PCBP3: variants seen among roughly 807,000 people sequenced by gnomAD.
The protein encoded by PCBP3 is poly(rC) binding protein 3, also known as poly(rC)-binding protein 3.
PCBP3 carries 25 observed loss-of-function variants against 52.7 expected under a neutral mutation model. The observed-to-expected ratio is 0.47, with a 90% CI of 0.35 to 0.66. The LOEUF (loss-of-function observed/expected upper bound fraction) is 0.66, where lower values mean the gene tolerates loss of function less well. Among genes scored for constraint, PCBP3 ranks in the 30% least tolerant of loss-of-function variants. The probability of loss-of-function intolerance (pLI) is 0.01; values close to 1 mark genes in which losing one functional copy is unlikely to be tolerated. For synonymous variants in PCBP3, 162 were observed against 183.0 expected (o/e 0.89, Z 0.93); for missense variants, 391 against 490.3 (o/e 0.80, Z 1.91).
chr21:45,891,238 G>A (rs1285316274), intron 5 of PCBP3, among the ~76,000 whole-genome samples: 9 of 152,344 alleles, frequency 5.9e-5, no homozygotes, highest in Non-Finnish European at 7.3e-5. Flanking sequence ...GGATCCAACC[G>A]TTGTGCTCCT....
At chr21:45,649,624 T>C (rs1301545497) in intron 1 of PCBP3, among the ~76,000 whole-genome samples, 2 of 152,218 alleles carry the variant, frequency 1.3e-5, no homozygotes, top group Non-Finnish European at 2.9e-5. Flanking sequence ...TACCTAATGA[T>C]AATTTAATTT....
intron 9 of PCBP3, among the ~76,000 whole-genome samples, chr21:45,906,253 G>T (rs1161971243): frequency 2.6e-5 from 4 of 152,144 alleles, no homozygotes; most frequent in African/African-American, 9.7e-5. Flanking sequence ...GTTGTGTTTC[G>T]GTTCAGTACC....
chr21:45,856,927 T>G lies in PCBP3; in HGVS notation c.10+6832T>G, dbSNP rs142421253. ...CTATCAGTAAATTTAAACATTTTCT[T>G]GCTGACGGTTGAGTTTGTCTAAAGA... is the stretch of plus-strand genomic sequence containing the variant. On this transcript the variant is annotated intron_variant, in intron 5 of 17. Transcript: ENST00000681687. 2.0e-3 allele frequency among the ~76,000 whole-genome samples: 298 copies of G among 152,330 alleles called. 2 individuals carry two copies. The highest frequency in any genetic ancestry group is 6.9e-3 in the African/African-American group (285 of 41,568).
intron 5 of PCBP3, among the ~76,000 whole-genome samples, chr21:45,861,554 A>G (rs1012750989): frequency 2.0e-5 from 3 of 152,000 alleles, no homozygotes; most frequent in Non-Finnish European, 2.9e-5. Flanking sequence ...CTCAAGATTA[A>G]ATTAGTCAGC....
rs541206544 is a variant in PCBP3 at position 45,794,667 on chromosome 21, C to T, written c.-126+39215C>T. Among the ~76,000 whole-genome samples the T allele has an allele frequency of 1.3e-3, 196 of 152,322 alleles. 1 individual carries two copies. The highest frequency in any genetic ancestry group is 2.4e-3 in the Non-Finnish European group (163 of 68,034). On this transcript the variant is annotated intron_variant, in intron 4 of 17. Transcript: ENST00000681687. Reference sequence around the variant, plus strand: ...CCCAGAGGCCGGGTGCAATGGCTCACGCCTGTAATCCCAGCACTTTGGGAG... The same window carrying T: ...CCCAGAGGCCGGGTGCAATGGCTCATGCCTGTAATCCCAGCACTTTGGGAG...
At chr21:45,710,452 A>G (rs1245408188) in intron 2 of PCBP3, among the ~76,000 whole-genome samples, 1 of 152,148 alleles carries the variant, frequency 6.6e-6, no homozygotes, top group Non-Finnish European at 1.5e-5. Flanking sequence ...GATGGTTTCC[A>G]GCTTCATCCA....
chr21:45,649,562 T>A (rs1185509010), intron 1 of PCBP3, among the ~76,000 whole-genome samples: 1 of 152,226 alleles, frequency 6.6e-6, no homozygotes, highest in Non-Finnish European at 1.5e-5. Flanking sequence ...GTGGTACCTC[T>A]GAAACACATC....
chr21:45,801,914 G>GGTTAATCA (rs2092319244), intron 4 of PCBP3, among the ~76,000 whole-genome samples: 1 of 152,158 alleles, frequency 6.6e-6, no homozygotes, highest in East Asian at 1.9e-4. Flanking sequence ...AGATTCTGCA[G>GGTTAATCA]GTTAATCATG....
chr21:45,722,838 C>T (rs1373130720), intron 2 of PCBP3, among the ~76,000 whole-genome samples: 1 of 151,730 alleles, frequency 6.6e-6, no homozygotes, highest in African/African-American at 2.4e-5. Context: ...ATCGTCTCTA[C>T]TGAAAATATT....
intron 1 of PCBP3, among the ~76,000 whole-genome samples, chr21:45,644,472 G>T (rs1453771623): frequency 1.3e-5 from 2 of 151,892 alleles, no homozygotes; most frequent in African/African-American, 2.4e-5. Context: ...GTCCCCACAC[G>T]TGTTCTAATT....
chr21:45,659,066 G>T (rs538093074), intron 1 of PCBP3, among the ~76,000 whole-genome samples: 1 of 147,116 alleles, frequency 6.8e-6, no homozygotes, highest in African/African-American at 2.5e-5. Flanking sequence ...ATAAAAGTTT[G>T]TCAGTTTCAT....
chr21:45,794,217 C>G (rs1342522177), intron 4 of PCBP3, among the ~76,000 whole-genome samples: 2 of 152,056 alleles, frequency 1.3e-5, no homozygotes, highest in Admixed American at 6.6e-5. Context: ...TTACAAGGAA[C>G]CATTGTAAAT....
At chr21:45,646,476 T>G (rs1400597733) in intron 1 of PCBP3, among the ~76,000 whole-genome samples, 1 of 152,180 alleles carries the variant, frequency 6.6e-6, no homozygotes, top group Non-Finnish European at 1.5e-5. Context: ...TTTCTTTTGC[T>G]TATAACAGAA....
chr21:45,701,563 T>C (rs889926764), intron 2 of PCBP3, among the ~76,000 whole-genome samples: 2 of 152,150 alleles, frequency 1.3e-5, no homozygotes, highest in Non-Finnish European at 2.9e-5. Context: ...ATTGAGACAG[T>C]TTCATTTTCT....
intron 1 of PCBP3, among the ~76,000 whole-genome samples, chr21:45,668,584 G>C (rs1300654281): frequency 4.6e-5 from 7 of 150,986 alleles, no homozygotes; most frequent in South Asian, 2.1e-4. Flanking sequence ...GGGGTGGGGG[G>C]ATGGGAATAG....
chr21:45,676,083 G>A (rs889463740), intron 2 of PCBP3, among the ~76,000 whole-genome samples: 1 of 152,088 alleles, frequency 6.6e-6, no homozygotes, highest in Admixed American at 6.6e-5. Flanking sequence ...CTTTTTTTGG[G>A]TTAGGAGTTA....
chr21:45,914,362 T>C, intron 12 of PCBP3: 1 of 499,328 alleles, frequency 2.0e-6, no homozygotes. Context: ...TGATTTTACG[T>C]CTCACGTTGG....
chr21:45,798,929 A>G, intron 4 of PCBP3, among the ~76,000 whole-genome samples: 8 of 143,180 alleles, frequency 5.6e-5, no homozygotes, highest in South Asian at 2.3e-4. Context: ...GAGAGAGTGA[A>G]TGGATGTGTA....
intron 3 of PCBP3, among the ~76,000 whole-genome samples, chr21:45,747,422 G>A (rs1014209770): frequency 2.0e-5 from 3 of 152,240 alleles, no homozygotes; most frequent in Non-Finnish European, 2.9e-5. Flanking sequence ...ACCAGGCCGC[G>A]GGGTGAGCTC....
Sources: allele counts gnomAD v4.1 joint callset (sites outside exome capture counted in the v4.1 genomes callset), GRCh38; gene constraint gnomAD v4.1.1; transcripts MANE v1.5; gene names NCBI Gene and HGNC (gene_info 2026-07-23, HGNC 2026-07-21).